Variants in ZFPM2 observed in about 807,000 individuals in gnomAD.
ZFPM2 encodes zinc finger protein ZFPM2.
Under a neutral mutation model 98.6 loss-of-function variants are expected in ZFPM2, and 20 were observed. That is an observed-to-expected ratio of 0.20 (90% confidence interval 0.14 to 0.29). The LOEUF (loss-of-function observed/expected upper bound fraction) is 0.29, where lower values mean the gene tolerates loss of function less well. Ranked by LOEUF, ZFPM2 falls within the 10% of genes least tolerant of loss-of-function variation. The probability of loss-of-function intolerance (pLI) is 1.00; values close to 1 mark genes in which losing one functional copy is unlikely to be tolerated. For synonymous variants in ZFPM2, 518 were observed against 502.7 expected (o/e 1.03, Z -0.41); for missense variants, 1,310 against 1,388.6 (o/e 0.94, Z 0.90).
chr8:105,547,086 T>C (rs1563712003), intron 3 of ZFPM2, among the ~76,000 whole-genome samples: 1 of 152,106 alleles, frequency 6.6e-6, no homozygotes, highest in Non-Finnish European at 1.5e-5. Context: ...GAAAGTAAGG[T>C]GCTCAAGCCT....
intron 3 of ZFPM2, among the ~76,000 whole-genome samples, chr8:105,533,996 T>C (rs1375735886): frequency 2.6e-4 from 4 of 15,276 alleles, no homozygotes; most frequent in Non-Finnish European, 4.4e-4. Context: ...TCCCTCCCTC[T>C]CTCCTTCCTT....
chr8:105,563,620 C>A (rs1056007768), intron 4 of ZFPM2, among the ~76,000 whole-genome samples: 5 of 151,996 alleles, frequency 3.3e-5, no homozygotes, highest in Non-Finnish European at 5.9e-5. Flanking sequence ...TTTCAGAGAG[C>A]AATATTAACT....
At chr8:105,456,808 G>C (rs1397090743) in intron 3 of ZFPM2, among the ~76,000 whole-genome samples, 3 of 152,060 alleles carry the variant, frequency 2.0e-5, no homozygotes, top group Non-Finnish European at 4.4e-5. Flanking sequence ...GAATGGCGGG[G>C]ACTACAGGCT....
intron 5 of ZFPM2, among the ~76,000 whole-genome samples, chr8:105,680,070 T>A (rs1810566913): frequency 1.3e-5 from 2 of 152,074 alleles, no homozygotes; most frequent in Non-Finnish European, 2.9e-5. Context: ...CCTCTATTAT[T>A]TGAGTCAAGA....
At chr8:105,404,115 A>G (rs1186681286) in intron 1 of ZFPM2, among the ~76,000 whole-genome samples, 4 of 152,092 alleles carry the variant, frequency 2.6e-5, no homozygotes, top group African/African-American at 9.7e-5. Flanking sequence ...TTTAAAGGAG[A>G]TATCAAAATG....
intron 5 of ZFPM2, among the ~76,000 whole-genome samples, chr8:105,661,030 T>C (rs1225868945): frequency 1.3e-5 from 2 of 152,136 alleles, no homozygotes; most frequent in African/African-American, 4.8e-5. Flanking sequence ...CATGGGGACA[T>C]GTGATGCTTT....
rs376098029 is a variant in ZFPM2, at chr8:105,710,256, C to A, written c.532+75899C>A. Among the ~76,000 whole-genome samples, 25 of 152,180 alleles carry A rather than the reference C, an allele frequency of 1.6e-4. No individual in the cohort carries two copies. The South Asian group carries it at 5.2e-3, about 32-fold the overall frequency. On this transcript the variant is annotated intron_variant, in intron 5 of 7. Transcript: ENST00000407775. ...ACTGCTTTTCATTTATGCAACATGT[C>A]TAATGTGGTCACCAGGGAGGTTCTG...
chr8:105,781,664 G>C (rs1483729509), intron 5 of ZFPM2, among the ~76,000 whole-genome samples: 1 of 152,170 alleles, frequency 6.6e-6, no homozygotes, highest in East Asian at 1.9e-4. Context: ...GTTGCAGTGA[G>C]CTGAGCGGTG....
At chr8:105,634,184 A>G (rs1816803452) in intron 4 of ZFPM2, 62 bp from the exon 5 acceptor site, 1 of 1,237,156 alleles carries the variant, frequency 8.1e-7, no homozygotes, top group Non-Finnish European at 1.2e-6. Context: ...TAGTACAGTT[A>G]TTATTCAAGT....
chr8:105,556,617 A>G (rs554399521), intron 3 of ZFPM2, among the ~76,000 whole-genome samples: 6 of 151,088 alleles, frequency 4.0e-5, no homozygotes, highest in Middle Eastern at 3.4e-3. Context: ...AACTCCTTTC[A>G]CTCCAAATAC....
chr8:105,759,184 T>G (rs1413541371), intron 5 of ZFPM2, among the ~76,000 whole-genome samples: 1 of 152,102 alleles, frequency 6.6e-6, no homozygotes, highest in Non-Finnish European at 1.5e-5. Context: ...CTTTATCTCA[T>G]TCGCCAAGTT....
At chr8:105,495,531 A>C (rs1372472249) in intron 3 of ZFPM2, among the ~76,000 whole-genome samples, 1 of 152,124 alleles carries the variant, frequency 6.6e-6, no homozygotes, top group Non-Finnish European at 1.5e-5. Flanking sequence ...TTGCTTGTAG[A>C]AGTTTGTTAG....
intron 5 of ZFPM2, among the ~76,000 whole-genome samples, chr8:105,670,637 T>TAAA (rs1207395502): frequency 6.6e-6 from 1 of 152,184 alleles, no homozygotes; most frequent in Non-Finnish European, 1.5e-5. Context: ...CTGTACATTT[T>TAAA]ATACATTACC....
Position 105,556,492 on chromosome 8 carries a change from C to T in ZFPM2, c.302-4871C>T, listed in dbSNP as rs368090497. Among the ~76,000 whole-genome samples the T allele has an allele frequency of 7.9e-5, 12 of 152,284 alleles. No individual in the cohort carries two copies. The East Asian group carries it at 1.5e-3, about 20-fold the overall frequency. On this transcript the variant is annotated intron_variant, in intron 3 of 7. Coordinates refer to ENST00000407775, the MANE Select transcript of ZFPM2 (RefSeq NM_012082.4). ...GCAGTTCCCACTTTGCATGCAGAAA[C>T]TGAAGTTCAAAGGGTTAGGTAACTT... is the stretch of plus-strand genomic sequence containing the variant.
At chr8:105,596,133 G>A (rs771366841) in intron 4 of ZFPM2, among the ~76,000 whole-genome samples, 3 of 151,970 alleles carry the variant, frequency 2.0e-5, no homozygotes, top group South Asian at 4.1e-4. Context: ...GCAAATGGTA[G>A]TATCCATATC....
chr8:105,336,727 CACAG>C (rs1475622313), intron 1 of ZFPM2, among the ~76,000 whole-genome samples: 239 of 149,686 alleles, frequency 1.6e-3, no homozygotes, highest in African/African-American at 5.5e-3. Context: ...CACACACACA[CACAG>C]ACATATACAT....
intron 1 of ZFPM2, among the ~76,000 whole-genome samples, chr8:105,340,475 G>GATAA (rs1335877109): frequency 6.6e-6 from 1 of 151,850 alleles, no homozygotes; most frequent in East Asian, 1.9e-4. Flanking sequence ...ATTTTAAGAA[G>GATAA]ATAAATCTGA....
intron 5 of ZFPM2, among the ~76,000 whole-genome samples, chr8:105,714,931 T>C (rs918998527): frequency 3.3e-5 from 5 of 152,144 alleles, no homozygotes; most frequent in African/African-American, 1.2e-4. Context: ...TCTGAAATTA[T>C]TATCTATTTC....
intron 5 of ZFPM2, among the ~76,000 whole-genome samples, chr8:105,729,086 A>T (rs1309689217): frequency 6.6e-6 from 1 of 151,768 alleles, no homozygotes; most frequent in East Asian, 1.9e-4. Context: ...ATTATATTTC[A>T]AAGTGTCATA....
Sources: gnomAD v4.1 joint callset for allele counts (sites outside exome capture counted in the v4.1 genomes callset) on GRCh38, gnomAD v4.1.1 for gene constraint, MANE v1.5 for transcripts, NCBI Gene and HGNC (gene_info 2026-07-23, HGNC 2026-07-21) for gene names.